The following MINAR2 variants were observed in gnomAD, a reference collection of about 807,000 sequenced individuals.
MINAR2 encodes major intrinsically disordered NOTCH2-binding receptor 1-like.
Under a neutral mutation model 16.1 loss-of-function variants are expected in MINAR2, and 21 were observed. The observed-to-expected ratio is 1.31, with a 90% CI of 0.93 to 1.88. MINAR2 has a LOEUF of 1.88. MINAR2 is among the 40% of genes most tolerant of loss of function. The pLI, the probability that MINAR2 is intolerant of heterozygous loss-of-function variation, is 0.00. For synonymous variants in MINAR2, 86 were observed against 83.0 expected, an observed-to-expected ratio of 1.04 and a Z score of -0.20; for missense variants, 259 against 229.8, an observed-to-expected ratio of 1.13 and a Z score of -0.82.
intron 1 of MINAR2, among the ~76,000 whole-genome samples, chr5:129,749,945 C>A (rs1757965997): frequency 1.3e-5 from 2 of 152,190 alleles, no homozygotes; most frequent in Admixed American, 1.3e-4. Context: ...CTTCATAGGT[C>A]TTTGAATATG....
chr5:129,752,105 C>T (rs147206678), intron 1 of MINAR2, among the ~76,000 whole-genome samples: 15,524 of 152,144 alleles, frequency 0.1, 963 homozygotes, highest in South Asian at 0.18. Flanking sequence ...GAAATAGGAA[C>T]GCTTTTACAC....
chr5:129,748,268 CTCAGCCCTCCT>C lies in MINAR2; in HGVS notation c.83_93del (p.Ala28GlyfsTer36). The C allele has an allele frequency of 6.5e-7, 1 of 1,535,230 alleles. No homozygotes were observed. The highest frequency in any genetic ancestry group is 1.2e-5 in the South Asian group (1 of 84,040). ...TTGACGTAAAGTCTTTAACGAGGAG[CTCAGCCCTCCT>C]TCAGGCCAGCCTGGTGAGGTTTCCG... On this transcript the variant is annotated frameshift_variant, in exon 1 of 3. Coordinates refer to ENST00000564719, the MANE Select transcript of MINAR2 (RefSeq NM_001257308.2). LOFTEE classifies it high-confidence loss of function.
intron 1 of MINAR2, among the ~76,000 whole-genome samples, chr5:129,749,058 G>T (rs564268690): frequency 6.6e-6 from 1 of 152,248 alleles, no homozygotes; most frequent in South Asian, 2.1e-4. Flanking sequence ...ACTGTGATGA[G>T]TTCCATCAGC....
At chr5:129,754,796 T>C (rs1267832271) in intron 1 of MINAR2, among the ~76,000 whole-genome samples, 1 of 152,214 alleles carries the variant, frequency 6.6e-6, no homozygotes, top group South Asian at 2.1e-4. Context: ...GATAATCATG[T>C]CATCTGCTAT....
At chr5:129,760,803 A>G (rs1409270722) in intron 2 of MINAR2, among the ~76,000 whole-genome samples, 198 bp downstream of exon 2, 1 of 152,158 alleles carries the variant, frequency 6.6e-6, no homozygotes, top group Non-Finnish European at 1.5e-5. Context: ...TTACAGTTTC[A>G]ACAGTTACTG....
intron 1 of MINAR2, among the ~76,000 whole-genome samples, chr5:129,757,254 G>T (rs9327536): frequency 0.17 from 25,445 of 151,634 alleles, 2,345 homozygotes; most frequent in East Asian, 0.3. Flanking sequence ...AAAACATGTG[G>T]CCCCAATATA....
At chr5:129,758,246 T>G (rs1395105341) in intron 1 of MINAR2, among the ~76,000 whole-genome samples, 10 of 152,014 alleles carry the variant, frequency 6.6e-5, no homozygotes, top group Admixed American at 6.6e-4. Context: ...TTCTTTCTTG[T>G]GCAGTACAGT....
chr5:129,760,569 A>C lies in MINAR2; in HGVS notation c.357A>C (p.Lys119Asn). ...CATGGACCATTGAGGAATATGACAA[A>C]CATTCCCTGCACACAAACCTCTCTG... is the stretch of plus-strand genomic sequence containing the variant. ...NPSWTIEEYD[K>N]HSLHTNLSGH... The change falls in exon 2 of 3, where the codon AAA (lysine) becomes AAC (asparagine). Residue 119 changes from lysine to asparagine, a missense_variant. Transcript: ENST00000564719. 6.5e-7 allele frequency: 1 copy of C among 1,535,472 alleles called. No individual in the cohort carries two copies. The highest frequency in any genetic ancestry group is 8.7e-7 in the Non-Finnish European group (1 of 1,146,436).
chr5:129,761,466 A>G (rs1352227330), intron 2 of MINAR2, among the ~76,000 whole-genome samples: 2 of 152,072 alleles, frequency 1.3e-5, no homozygotes, highest in African/African-American at 4.8e-5. Flanking sequence ...GTCTCCTTGA[A>G]TCCTACTCAC....
At chr5:129,762,656 A>G in intron 2 of MINAR2, 1 of 281,306 alleles carries the variant, frequency 3.6e-6, no homozygotes. Context: ...GTGCTTCTTT[A>G]TTTCTTCTTC....
intron 1 of MINAR2, among the ~76,000 whole-genome samples, chr5:129,752,911 C>T (rs1408326865): frequency 6.6e-6 from 1 of 152,008 alleles, no homozygotes; most frequent in African/African-American, 2.4e-5. Flanking sequence ...AATCAAGGAG[C>T]ATTCCAGACT....
rs1581295142 is a variant in MINAR2, at chr5:129,765,037, G to T, written c.547G>T (p.Val183Leu). 1 of 1,310,924 alleles carries T rather than the reference G, an allele frequency of 7.6e-7. No homozygotes were observed. Among genetic ancestry groups the T allele is most frequent in the Non-Finnish European group, 9.7e-7 (1 of 1,027,436 alleles). 81.2% of individuals were successfully genotyped at this position (1,310,924 alleles called of 1,614,324 possible). A position where few individuals can be genotyped will look rare whatever the true frequency, so the allele number is the denominator to read the frequency against. Residue 183 changes from valine to leucine, a missense_variant, in exon 3 of 3, where the codon GTG becomes TTG. Transcript: ENST00000564719. ...LVVISILVTIVTIITFFT is the reference protein window; with the variant it reads ...LVVISILVTILTIITFFT ...CGTTATCTCCATCTTGGTTACCATAGTGACTATCATTACTTTTTTCACCTG... is the reference window on the plus strand; with the variant it reads ...CGTTATCTCCATCTTGGTTACCATATTGACTATCATTACTTTTTTCACCTG...
intron 1 of MINAR2, among the ~76,000 whole-genome samples, chr5:129,755,848 CTG>C (rs1234743123): frequency 6.6e-6 from 1 of 151,842 alleles, no homozygotes; most frequent in African/African-American, 2.4e-5. Context: ...TTTATTTTGA[CTG>C]TTTTATTATA....
Position 129,764,932 on chromosome 5 carries a change from G to T in MINAR2, c.442G>T (p.Gly148Cys). Residue 148 changes from glycine to cysteine, a missense_variant, in exon 3 of 3, where the codon GGT becomes TGT. Coordinates refer to ENST00000564719, the MANE Select transcript of MINAR2 (RefSeq NM_001257308.2). ...RFWLGDMYTP[G>C]FDTLLKKEEK... Reference sequence around the variant, plus strand: ...TTGGTTGGGAGACATGTACACTCCAGGTTTTGACACTTTATTGAAAAAGGA... The same window carrying T: ...TTGGTTGGGAGACATGTACACTCCATGTTTTGACACTTTATTGAAAAAGGA... 7.2e-7 allele frequency: 1 copy of T among 1,391,738 alleles called. No individual in the cohort carries two copies. The highest frequency in any genetic ancestry group is 9.3e-7 in the Non-Finnish European group (1 of 1,074,264). The allele number at this position is 1,391,738 out of a possible 1,614,324, so 86.2% of individuals were successfully genotyped here.
chr5:129,752,322 CA>C (rs1418093670), intron 1 of MINAR2, among the ~76,000 whole-genome samples: 1 of 152,122 alleles, frequency 6.6e-6, no homozygotes, highest in African/African-American at 2.4e-5. Flanking sequence ...GGAACCAACC[CA>C]AATGTCCATC....
At position 129,765,081 on chromosome 5, in the gene MINAR2, GA is replaced by G; in HGVS notation, c.*19del. 2.4e-6 allele frequency: 3 copies of G among 1,249,526 alleles called. No individual in the cohort carries two copies. Among genetic ancestry groups the G allele is most frequent in the South Asian group, 3.6e-5 (1 of 27,840 alleles). 77.4% of individuals were successfully genotyped at this position (1,249,526 alleles called of 1,614,324 possible). A position where few individuals can be genotyped will look rare whatever the true frequency, so the allele number is the denominator to read the frequency against. On this transcript the variant is annotated 3_prime_UTR_variant, in exon 3 of 3. Coordinates refer to ENST00000564719, the MANE Select transcript of MINAR2 (RefSeq NM_001257308.2). Reference sequence around the variant, plus strand: ...TCACCTGAGGAAACTGCAACAATCAGAGCTACTTTAAATTTCCTAAAAATTT... The same window carrying G: ...TCACCTGAGGAAACTGCAACAATCAGGCTACTTTAAATTTCCTAAAAATTT...
At chr5:129,764,090 A>T (rs1032488425) in intron 2 of MINAR2, among the ~76,000 whole-genome samples, 1 of 152,226 alleles carries the variant, frequency 6.6e-6, no homozygotes, top group Non-Finnish European at 1.5e-5. Context: ...AATAGGAAAA[A>T]AATGTATTTT....
At chr5:129,758,194 A>G (rs1758079836) in intron 1 of MINAR2, among the ~76,000 whole-genome samples, 1 of 152,028 alleles carries the variant, frequency 6.6e-6, no homozygotes, top group East Asian at 1.9e-4. Flanking sequence ...CCAAGTAATT[A>G]AAATAGTTGA....
At chr5:129,759,807 C>T (rs1006118254) in intron 1 of MINAR2, among the ~76,000 whole-genome samples, 16 of 134,816 alleles carry the variant, frequency 1.2e-4, no homozygotes, top group African/African-American at 3.5e-4. Flanking sequence ...ACCTGAAAAT[C>T]AGTATTAGAG....
Sources: allele counts gnomAD v4.1 joint callset (sites outside exome capture counted in the v4.1 genomes callset), GRCh38; gene constraint gnomAD v4.1.1; transcripts MANE v1.5; gene names NCBI Gene and HGNC (gene_info 2026-07-23, HGNC 2026-07-21).